MRM3: variants seen among roughly 807,000 people sequenced by gnomAD.
The protein encoded by MRM3 is mitochondrial rRNA methyltransferase 3.
Under a neutral mutation model 29.4 loss-of-function variants are expected in MRM3, and 26 were observed. The ratio of observed to expected loss-of-function variants is 0.89; its 90% confidence interval spans 0.65 to 1.23. MRM3 has a LOEUF of 1.23. Among genes scored for constraint, MRM3 ranks in the 50% most tolerant of loss-of-function variants. The pLI, the probability that MRM3 is intolerant of heterozygous loss-of-function variation, is 0.00. For missense variants in MRM3, 578 were observed against 540.2 expected, an observed-to-expected ratio of 1.07 and a Z score of -0.69; for synonymous variants, 225 against 219.0, an observed-to-expected ratio of 1.03 and a Z score of -0.24.
Position 787,905 on chromosome 17 carries a change from A to G in MRM3, c.560-60A>G. 1.3e-6 allele frequency: 2 copies of G among 1,500,132 alleles called. No homozygotes were observed. The highest frequency in any genetic ancestry group is 1.7e-5 in the Admixed American group (1 of 58,182). 92.9% of individuals were successfully genotyped at this position (1,500,132 alleles called of 1,614,324 possible). A position where few individuals can be genotyped will look rare whatever the true frequency, so the allele number is the denominator to read the frequency against. ...ATATCAAGATTGATAAGTAAATGAA[A>G]AGTCAGACTATTCCCCGTGCCCACA... On this transcript the variant is annotated intron_variant, in intron 2 of 3. Transcript: ENST00000304478. The surrounding 1 kb of genome is among the most constrained non-coding windows in gnomAD (Gnocchi z 4.1).
In MRM3 at chr17:787,341, A is replaced by G. The variant is rs563483138; in HGVS notation, c.560-624A>G. Among the ~76,000 whole-genome samples the G allele has an allele frequency of 2.6e-5, 4 of 152,322 alleles. No homozygotes were observed. In the East Asian group the frequency reaches 7.7e-4, roughly 29 times the overall value. ...GTTCAAGATATATTGTTGCGTAAAT[A>G]AGTCGATTACAGAATAATACAGAGT... is the stretch of plus-strand genomic sequence containing the variant. On this transcript the variant is annotated intron_variant, in intron 2 of 3. Coordinates refer to ENST00000304478, the MANE Select transcript of MRM3 (RefSeq NM_018146.4). The surrounding 1 kb of genome is among the most constrained non-coding windows in gnomAD (Gnocchi z 4.1).
At position 791,597 on chromosome 17, in the gene MRM3, C is replaced by G. The variant is rs1195418264; in HGVS notation, c.791C>G (p.Pro264Arg). Reference sequence around the variant, plus strand: ...GGTATGGGCGCACATTTCCGGATGCCCATTATCAATAATCTGGAATGGGAA... The same window carrying G: ...GGTATGGGCGCACATTTCCGGATGCGCATTATCAATAATCTGGAATGGGAA... The part of the protein sequence containing the change: ...RAGMGAHFRM[P>R]IINNLEWETV... Residue 264 changes from proline (P) to arginine (R), a missense_variant, in exon 4 of 4, where the codon CCC (proline) becomes CGC (arginine). Coordinates refer to ENST00000304478, the MANE Select transcript of MRM3 (RefSeq NM_018146.4). 6.2e-7 allele frequency: 1 copy of G among 1,614,224 alleles called. No homozygotes were observed. The highest frequency in any genetic ancestry group is 1.7e-5 in the Admixed American group (1 of 60,018).
At chr17:791,345 C>G (rs1910809991) in intron 3 of MRM3, among the ~76,000 whole-genome samples, 189 bp from the exon 4 acceptor site, 1 of 152,140 alleles carries the variant, frequency 6.6e-6, no homozygotes, top group Non-Finnish European at 1.5e-5. Flanking sequence ...ATCTTCAGCA[C>G]TAGCAGGAGT....
chr17:789,995 G>C (rs975790253), intron 3 of MRM3: 7 of 152,244 alleles, frequency 4.6e-5, no homozygotes, highest in African/African-American at 1.7e-4. Context: ...GCAGGGAGAG[G>C]GAAAGCCCGT....
chr17:785,224 A>G (rs559419734), intron 2 of MRM3, among the ~76,000 whole-genome samples: 1 of 152,290 alleles, frequency 6.6e-6, no homozygotes, highest in East Asian at 1.9e-4. Flanking sequence ...ATGGTGATTC[A>G]AAAAGAAACT....
intron 2 of MRM3, among the ~76,000 whole-genome samples, chr17:786,776 A>G (rs1910555093): frequency 1.3e-5 from 2 of 152,236 alleles, no homozygotes; most frequent in African/African-American, 4.8e-5. Context: ...TTAATAGTGC[A>G]CGCACATCAT....
chr17:783,602 GC>G, intron 2 of MRM3: 1 of 310,602 alleles, frequency 3.2e-6, no homozygotes, highest in South Asian at 3.4e-5. Context: ...CTCCCAAAGT[GC>G]TGGGATTACA....
In MRM3 at chr17:783,306, G is replaced by C. The variant is rs573221759; in HGVS notation, c.538G>C (p.Val180Leu). Residue 180 changes from valine (V) to leucine (L), a missense_variant, in exon 2 of 4, where the codon GTA becomes CTA. Val to Leu is a conservative substitution (Grantham distance 32, BLOSUM62 1). Coordinates refer to ENST00000304478, the MANE Select transcript of MRM3 (RefSeq NM_018146.4). Reference sequence around the variant, plus strand: ...GGATATCAAGGATTGGTCCGACCTCGTAACGCCACAAGGAATAATGGGTTA... The same window carrying C: ...GGATATCAAGGATTGGTCCGACCTCCTAACGCCACAAGGAATAATGGGTTA... ...FEDIKDWSDL[V>L]TPQGIMGIFA... The C allele has an allele frequency of 1.9e-5, 30 of 1,612,798 alleles. No individual in the cohort carries two copies. Among genetic ancestry groups the C allele is most frequent in the South Asian group, 7.7e-5 (7 of 91,040 alleles).
rs1389544609 is a variant in MRM3, at chr17:787,345, C to T, written c.560-620C>T. Among the ~76,000 whole-genome samples, 2 of 152,008 alleles carry T rather than the reference C, an allele frequency of 1.3e-5. No individual in the cohort carries two copies. The highest frequency in any genetic ancestry group is 2.9e-5 in the Non-Finnish European group (2 of 68,014). ...AAGATATATTGTTGCGTAAATAAGTCGATTACAGAATAATACAGAGTATGA... is the reference window on the plus strand; with the variant it reads ...AAGATATATTGTTGCGTAAATAAGTTGATTACAGAATAATACAGAGTATGA... On this transcript the variant is annotated intron_variant, in intron 2 of 3. Transcript: ENST00000304478. This position sits in a 1 kb window ranked among gnomAD's most constrained non-coding sequence, Gnocchi z 4.1.
intron 2 of MRM3, among the ~76,000 whole-genome samples, chr17:785,464 T>C (rs1035396842): frequency 9.2e-5 from 14 of 152,214 alleles, no homozygotes; most frequent in Non-Finnish European, 1.8e-4. Context: ...AGGAGAGAAT[T>C]TTCCACTAAG....
At chr17:784,883 C>CACAG (rs1910462324) in intron 2 of MRM3, among the ~76,000 whole-genome samples, 1 of 152,200 alleles carries the variant, frequency 6.6e-6, no homozygotes, top group South Asian at 2.1e-4. Context: ...TCTCACAGCA[C>CACAG]ACAGACGCCT....
In MRM3 at chr17:782,606, C is replaced by T. The variant is rs75116507; in HGVS notation, c.228C>T (p.Leu76=). Reference sequence around the variant, plus strand: ...AGGAGCAACGAGAGAAACAACCGCTCGAGGAGTCCGCATCCCGCGCTCCCA... The same window carrying T: ...AGGAGCAACGAGAGAAACAACCGCTTGAGGAGTCCGCATCCCGCGCTCCCA... The part of the protein sequence containing the change: ...SAQEQREKQP[L]EESASRAPST... Residue 76 remains leucine (L), a synonymous_variant, in exon 1 of 4, where the codon CTC becomes CTT. Transcript: ENST00000304478. 764 of 1,613,976 alleles carry T rather than the reference C, an allele frequency of 4.7e-4. 7 individuals are homozygous for T. In the African/African-American group the frequency reaches 8.9e-3, roughly 19 times the overall value.
In MRM3 at chr17:782,697, T is replaced by C. The variant is rs762432792; in HGVS notation, c.314+5T>C. 7 of 1,593,820 alleles carry C rather than the reference T, an allele frequency of 4.4e-6. No individual in the cohort carries two copies. Among genetic ancestry groups the C allele is most frequent in the Non-Finnish European group, 6.0e-6 (7 of 1,165,826 alleles). ...TCCCGGGGACAGGAGGCTGAGGTGA[T>C]GTGGTTCTTGAGCCTGTCGAATGTT... On this transcript the variant is annotated splice_donor_5th_base_variant and intron_variant, in intron 1 of 3. Transcript: ENST00000304478.
chr17:782,402 G>A lies in MRM3; in HGVS notation c.24G>A (p.Ala8=), dbSNP rs777230447. 2 of 1,613,818 alleles carry A rather than the reference G, an allele frequency of 1.2e-6. No homozygotes were observed. The highest frequency in any genetic ancestry group is 1.7e-5 in the Admixed American group (1 of 60,010). The change falls in exon 1 of 4, where the codon GCG becomes GCA. Residue 8 remains alanine (A), a synonymous_variant. Transcript: ENST00000304478. The part of the protein sequence containing the change: MAALVRP[A]RFVVRPLLQV... Reference sequence around the variant, plus strand: ...ACATGGCGGCGCTGGTGAGACCCGCGAGGTTTGTCGTGCGACCGTTGCTGC... The same window carrying A: ...ACATGGCGGCGCTGGTGAGACCCGCAAGGTTTGTCGTGCGACCGTTGCTGC...
intron 2 of MRM3, among the ~76,000 whole-genome samples, chr17:785,934 TC>T (rs1283252859): frequency 6.6e-6 from 1 of 152,214 alleles, no homozygotes; most frequent in Non-Finnish European, 1.5e-5. Context: ...GCACAGGAAT[TC>T]ACTGAAGAAG....
intron 2 of MRM3, among the ~76,000 whole-genome samples, chr17:785,855 A>G (rs1287601540): frequency 6.6e-6 from 1 of 152,238 alleles, no homozygotes; most frequent in Non-Finnish European, 1.5e-5. Context: ...TTAAGCCTAT[A>G]AACTATTTTT....
At position 792,165 on chromosome 17, in the gene MRM3, C is replaced by T. The variant is rs1910861269; in HGVS notation, c.*96C>T. 1.6e-6 allele frequency: 2 copies of T among 1,244,946 alleles called. No homozygotes were observed. The highest frequency in any genetic ancestry group is 1.5e-5 in the African/African-American group (1 of 66,542). The allele number at this position is 1,244,946 out of a possible 1,614,324, so 77.1% of individuals were successfully genotyped here. A position where few individuals can be genotyped will look rare whatever the true frequency, so the allele number is the denominator to read the frequency against. ...GCGGAGTCAGTGACTATGGCCCCCA[C>T]GTTCAGGAGGAAGGTGTGATGCCGT... On this transcript the variant is annotated 3_prime_UTR_variant, in exon 4 of 4. Transcript: ENST00000304478.
intron 3 of MRM3, among the ~76,000 whole-genome samples, chr17:788,413 C>T (rs923817907): frequency 1.3e-5 from 2 of 149,920 alleles, no homozygotes; most frequent in Admixed American, 6.7e-5. Flanking sequence ...CCAGCCTGGG[C>T]GACAGAGTGA....
rs149586442 is a variant in MRM3 at position 792,012 on chromosome 17, G to C, written c.1206G>C (p.Gly402=). The C allele has an allele frequency of 2.2e-5, 36 of 1,613,670 alleles. No individual in the cohort carries two copies. The highest frequency in any genetic ancestry group is 2.9e-5 in the Non-Finnish European group (34 of 1,179,994). ...AMAASILLFE[G]KRQLRGRAED... ...CGGCAAGCATCCTGCTTTTCGAAGGGAAAAGACAGCTGCGGGGGAGGGCGG... is the reference window on the plus strand; with the variant it reads ...CGGCAAGCATCCTGCTTTTCGAAGGCAAAAGACAGCTGCGGGGGAGGGCGG... Residue 402 remains glycine, a synonymous_variant, in exon 4 of 4, where the codon GGG becomes GGC. Coordinates refer to ENST00000304478, the MANE Select transcript of MRM3 (RefSeq NM_018146.4).
Sources: allele counts gnomAD v4.1 joint callset (sites outside exome capture counted in the v4.1 genomes callset), GRCh38; gene constraint gnomAD v4.1.1; non-coding constraint Gnocchi (gnomAD v3.1); transcripts MANE v1.5; gene names NCBI Gene and HGNC (gene_info 2026-07-23, HGNC 2026-07-21).